STRADB: variants seen among roughly 807,000 people sequenced by gnomAD.
STRADB encodes the protein STE20-related kinase adapter protein beta.
A neutral mutation model predicts 52.1 loss-of-function variants in STRADB; 34 were observed. The ratio of observed to expected loss-of-function variants is 0.65; its 90% CI spans 0.50 to 0.87. The LOEUF (loss-of-function observed/expected upper bound fraction) is 0.87. Ranked by LOEUF, STRADB falls within the 40% of genes least tolerant of loss-of-function variation. The pLI is 0.00. For missense variants in STRADB, 340 were observed against 483.9 expected (o/e 0.70, Z 2.79); for synonymous variants, 133 against 174.5 (o/e 0.76, Z 1.87).
intron 3 of STRADB, among the ~76,000 whole-genome samples, chr2:201,459,748 C>G (rs1407192312): frequency 6.6e-6 from 1 of 152,194 alleles, no homozygotes; most frequent in Non-Finnish European, 1.5e-5. Context: ...AGCTTTGAAA[C>G]TTCCATTGGC....
At position 201,478,342 on chromosome 2, in the gene STRADB, TTC is replaced by T; in HGVS notation, c.826-13_826-12del. 1 of 1,612,246 alleles carries T rather than the reference TTC, an allele frequency of 6.2e-7. No homozygotes were observed. The highest frequency in any genetic ancestry group is 8.5e-7 in the Non-Finnish European group (1 of 1,179,238). On this transcript the variant is annotated splice_polypyrimidine_tract_variant and intron_variant, in intron 9 of 11. Transcript: ENST00000194530. Reference sequence around the variant, plus strand: ...TTGCCTGAAAAGTGTTGAAGGAAAGTTCTGTTTCTTTTAGATGCTGTTACAGA... The same window carrying T: ...TTGCCTGAAAAGTGTTGAAGGAAAGTTGTTTCTTTTAGATGCTGTTACAGA...
In STRADB at chr2:201,471,002, C is replaced by T. The variant is rs577097906; in HGVS notation, c.193+950C>T. ...AGTGAATGTACTGCCCGCCACCAGA[C>T]GCTGGCCCCCTGCTGATAGCTCTGA... On this transcript the variant is annotated intron_variant, in intron 4 of 11. Coordinates refer to ENST00000194530, the MANE Select transcript of STRADB (RefSeq NM_018571.6). Among the ~76,000 whole-genome samples the T allele has an allele frequency of 5.9e-5, 9 of 152,258 alleles. No homozygotes were observed. In the South Asian group the frequency reaches 1.0e-3, roughly 18 times the overall value.
chr2:201,478,201 G>A lies in STRADB; in HGVS notation c.825+10G>A. 1.9e-6 allele frequency: 3 copies of A among 1,605,434 alleles called. No individual in the cohort carries two copies. Among genetic ancestry groups the A allele is most frequent in the African/African-American group, 1.3e-5 (1 of 74,512 alleles). On this transcript the variant is annotated intron_variant, in intron 9 of 11. Transcript: ENST00000194530. ...CATGCATAGAACTCAGGTAAGTGCT[G>A]CTAAAATCCCTGAGCTACTTGCCTT...
chr2:201,469,654 T>C (rs1952358998), intron 3 of STRADB, among the ~76,000 whole-genome samples: 1 of 152,234 alleles, frequency 6.6e-6, no homozygotes, highest in East Asian at 1.9e-4. Context: ...TCAGCTATCC[T>C]GAAGAATTAA....
chr2:201,455,697 C>T (rs995757791), intron 2 of STRADB, among the ~76,000 whole-genome samples: 12 of 150,528 alleles, frequency 8.0e-5, no homozygotes, highest in African/African-American at 2.9e-4. Flanking sequence ...GAGGGAGATC[C>T]TGTCTCAAAA....
chr2:201,455,320 A>G (rs1952111338), intron 2 of STRADB, among the ~76,000 whole-genome samples: 1 of 152,226 alleles, frequency 6.6e-6, no homozygotes, highest in African/African-American at 2.4e-5. Context: ...GATCCGTGGT[A>G]TCTACTTTAG....
intron 5 of STRADB, among the ~76,000 whole-genome samples, chr2:201,473,330 A>T (rs969775663): frequency 1.3e-5 from 2 of 152,214 alleles, no homozygotes; most frequent in African/African-American, 4.8e-5. Context: ...GCCATTTTAT[A>T]CAAGGGACTT....
intron 10 of STRADB, 156 bp from the exon 11 acceptor site, chr2:201,479,333 G>C: frequency 4.7e-6 from 3 of 638,414 alleles, no homozygotes; most frequent in Non-Finnish European, 8.1e-6. Flanking sequence ...TTTAGTCAAG[G>C]TTGTAGCTAA....
At chr2:201,453,418 C>G (rs909341042) in intron 1 of STRADB, among the ~76,000 whole-genome samples, 2 of 152,020 alleles carry the variant, frequency 1.3e-5, no homozygotes, top group African/African-American at 2.4e-5. Context: ...GCCCTGATTA[C>G]CAGCGGGTGT....
At chr2:201,466,295 A>G (rs1378979115) in intron 3 of STRADB, among the ~76,000 whole-genome samples, 3 of 152,250 alleles carry the variant, frequency 2.0e-5, no homozygotes, top group Non-Finnish European at 4.4e-5. Flanking sequence ...GAATCCTTCA[A>G]ACCTTCAGGT....
intron 3 of STRADB, among the ~76,000 whole-genome samples, chr2:201,469,111 T>C (rs992292703): frequency 2.0e-5 from 3 of 152,220 alleles, no homozygotes; most frequent in Non-Finnish European, 2.9e-5. Flanking sequence ...TGTTTCAAAC[T>C]CCATCTCTGT....
rs932271817 is a variant in STRADB at position 201,461,900 on chromosome 2, G to A, written c.93+3036G>A. 5.9e-5 allele frequency among the ~76,000 whole-genome samples: 9 copies of A among 152,154 alleles called. No individual in the cohort carries two copies. In the South Asian group the frequency reaches 8.3e-4, roughly 14 times the overall value. On this transcript the variant is annotated intron_variant, in intron 3 of 11. Coordinates refer to ENST00000194530, the MANE Select transcript of STRADB (RefSeq NM_018571.6). ...GGTCTACTTTCATTCTTCTGCATACGAATATCCAGTTTTCCCAGCACCACT... is the reference window on the plus strand; with the variant it reads ...GGTCTACTTTCATTCTTCTGCATACAAATATCCAGTTTTCCCAGCACCACT...
intron 2 of STRADB, among the ~76,000 whole-genome samples, chr2:201,457,885 G>C (rs577541497): frequency 6.6e-6 from 1 of 152,062 alleles, no homozygotes; most frequent in East Asian, 1.9e-4. Context: ...TTAGCGGGGC[G>C]TGGTGGCAGG....
At chr2:201,461,654 T>TTTC (rs1219618483) in intron 3 of STRADB, among the ~76,000 whole-genome samples, 5 of 152,220 alleles carry the variant, frequency 3.3e-5, no homozygotes, top group African/African-American at 1.2e-4. Flanking sequence ...CACTTTGTTT[T>TTTC]TTCTTTTGCT....
At chr2:201,479,100 T>C (rs1952529001) in intron 10 of STRADB, 1 of 181,336 alleles carries the variant, frequency 5.5e-6, no homozygotes. Context: ...TCAGAAGAGT[T>C]GGGCTCCAGT....
intron 3 of STRADB, among the ~76,000 whole-genome samples, chr2:201,469,704 C>G (rs1228666919): frequency 6.6e-6 from 1 of 152,182 alleles, no homozygotes; most frequent in South Asian, 2.1e-4. Flanking sequence ...GGAAATTACA[C>G]TGGGAAGTAT....
chr2:201,472,229 C>A (rs992007164), intron 4 of STRADB, among the ~76,000 whole-genome samples: 6 of 152,212 alleles, frequency 3.9e-5, no homozygotes, highest in African/African-American at 9.6e-5. Flanking sequence ...ATGTTTATCA[C>A]ATGACCCAGC....
At chr2:201,458,633 G>A in intron 2 of STRADB, 151 bp from the exon 3 acceptor site, 1 of 603,874 alleles carries the variant, frequency 1.7e-6, no homozygotes. Context: ...AGTTCCTCAT[G>A]ATGTGGATCC....
intron 2 of STRADB, among the ~76,000 whole-genome samples, chr2:201,456,051 T>C (rs1024065856): frequency 8.5e-5 from 13 of 152,230 alleles, no homozygotes; most frequent in African/African-American, 4.8e-5. Flanking sequence ...TTTTATTCTG[T>C]AAAGGAGGGA....
Sources: gnomAD v4.1 joint callset for allele counts (sites outside exome capture counted in the v4.1 genomes callset) on GRCh38, gnomAD v4.1.1 for gene constraint, MANE v1.5 for transcripts, NCBI Gene and HGNC (gene_info 2026-07-23, HGNC 2026-07-21) for gene names.